COL5A1: variants seen among roughly 807,000 people sequenced by gnomAD.
COL5A1 encodes collagen alpha-1(V) chain.
A neutral mutation model predicts 263.7 loss-of-function variants in COL5A1; 16 were observed. That is an observed-to-expected ratio of 0.06 (90% CI 0.04 to 0.09). The LOEUF (loss-of-function observed/expected upper bound fraction) is 0.09, where lower values mean the gene tolerates loss of function less well. COL5A1 is among the 10% of genes least tolerant of loss of function. COL5A1 has a pLI of 1.00. For synonymous variants in COL5A1, 1,012 were observed against 1,004.5 expected (o/e 1.01, Z -0.14); for missense variants, 2,036 against 2,540.5 (o/e 0.80, Z 4.27).
At chr9:134,671,066 C>T (rs999742461) in intron 1 of COL5A1, among the ~76,000 whole-genome samples, 8 of 151,942 alleles carry the variant, frequency 5.3e-5, no homozygotes, top group Admixed American at 2.0e-4. Flanking sequence ...CTGACTCAGT[C>T]GTCTGGGGCA....
chr9:134,747,576 CAT>C (rs1164852522), intron 11 of COL5A1, among the ~76,000 whole-genome samples: 3 of 151,940 alleles, frequency 2.0e-5, no homozygotes, highest in African/African-American at 4.8e-5. Flanking sequence ...TATTCACACA[CAT>C]GCATTCATAC....
At chr9:134,727,195 G>T (rs1564414235) in intron 4 of COL5A1, 71 bp from the exon 5 acceptor site, 3 of 1,540,406 alleles carry the variant, frequency 1.9e-6, no homozygotes, top group Non-Finnish European at 2.7e-6. Flanking sequence ...CAAGGCATGG[G>T]GCTGTGTCTC....
In COL5A1 at chr9:134,696,006, G is replaced by A. The variant is rs1346324681; in HGVS notation, c.278-3903G>A. Among the ~76,000 whole-genome samples the A allele has an allele frequency of 6.6e-6, 1 of 152,088 alleles. No homozygotes were observed. The highest frequency in any genetic ancestry group is 1.9e-4 in the East Asian group (1 of 5,180). On this transcript the variant is annotated intron_variant, in intron 2 of 65. Transcript: ENST00000371817. This position sits in a 1 kb window ranked among gnomAD's most constrained non-coding sequence, Gnocchi z 4.3. The stretch of plus-strand genomic sequence containing the variant: ...TGGGCCTCTGCCCTGGGCCTGCCAT[G>A]CTCCCCTTAGCCCGGCCCCTCCTGG...
intron 5 of COL5A1, among the ~76,000 whole-genome samples, chr9:134,728,316 C>T (rs890497567): frequency 2.6e-5 from 4 of 152,222 alleles, no homozygotes; most frequent in South Asian, 2.1e-4. Context: ...GCTGAAGGCC[C>T]GGGAGCCTGC....
At chr9:134,799,254 A>G (rs570354776) in intron 37 of COL5A1, among the ~76,000 whole-genome samples, 4 of 152,240 alleles carry the variant, frequency 2.6e-5, no homozygotes, top group South Asian at 2.1e-4. Context: ...TGGCCCCATC[A>G]GCCCTTCGAA....
rs1836631770 is a variant in COL5A1 at position 134,765,593 on chromosome 9, G to C, written c.2035-88G>C. On this transcript the variant is annotated intron_variant, in intron 20 of 65. Coordinates refer to ENST00000371817, the MANE Select transcript of COL5A1 (RefSeq NM_000093.5). The surrounding 1 kb of genome is among the most constrained non-coding windows in gnomAD (Gnocchi z 5.1). ...GAGTCACCAGCTGGGGTTCTGGGTG[G>C]AGTCAGGGCCAAGTGGGCATAGGGG... 4 of 1,202,282 alleles carry C rather than the reference G, an allele frequency of 3.3e-6. No individual in the cohort carries two copies. The highest frequency in any genetic ancestry group is 4.9e-6 in the Non-Finnish European group (4 of 809,698). 74.5% of individuals were successfully genotyped at this position (1,202,282 alleles called of 1,614,324 possible).
chr9:134,749,956 G>A (rs1835714293), intron 11 of COL5A1, among the ~76,000 whole-genome samples: 2 of 152,250 alleles, frequency 1.3e-5, no homozygotes, highest in South Asian at 2.1e-4. Context: ...CGTGAGGAGG[G>A]CACTGTGTCG....
intron 11 of COL5A1, among the ~76,000 whole-genome samples, chr9:134,744,431 G>A (rs113711952): frequency 1.3e-5 from 2 of 150,056 alleles, no homozygotes; most frequent in Non-Finnish European, 3.0e-5. Context: ...ACCCACACAC[G>A]CACACACTCA....
intron 4 of COL5A1, chr9:134,708,602 C>T: frequency 1.9e-6 from 1 of 518,906 alleles, no homozygotes; most frequent in Non-Finnish European, 3.8e-6. Flanking sequence ...CCTGGCAGTG[C>T]TGAGGCAGCC....
intron 64 of COL5A1, among the ~76,000 whole-genome samples, chr9:134,830,847 C>T (rs1005719448): frequency 6.6e-6 from 1 of 152,254 alleles, no homozygotes; most frequent in African/African-American, 2.4e-5. Context: ...AGGACAGCGG[C>T]TGCTTCTGCC....
chr9:134,693,632 A>C (rs1219233585), intron 2 of COL5A1, among the ~76,000 whole-genome samples: 1 of 152,004 alleles, frequency 6.6e-6, no homozygotes, highest in African/African-American at 2.4e-5. Flanking sequence ...ACTGTTGGAG[A>C]CCAGTGTCAT....
intron 9 of COL5A1, 89 bp downstream of exon 9, chr9:134,732,216 G>A: frequency 7.1e-7 from 1 of 1,413,316 alleles, no homozygotes; most frequent in South Asian, 1.1e-5. Context: ...CAGGTCCGTG[G>A]GCCCCTGCAC....
chr9:134,763,827 C>A, intron 20 of COL5A1, 90 bp downstream of exon 20: 1 of 1,320,498 alleles, frequency 7.6e-7, no homozygotes, highest in Non-Finnish European at 1.1e-6. Context: ...CTGGGATCAG[C>A]CAGGAGCTTA....
In COL5A1 at chr9:134,681,568, T is replaced by C. The variant is rs951012444; in HGVS notation, c.110-9344T>C. Among the ~76,000 whole-genome samples the C allele has an allele frequency of 2.6e-5, 4 of 152,146 alleles. No homozygotes were observed. The highest frequency in any genetic ancestry group is 5.9e-5 in the Non-Finnish European group (4 of 68,028). The stretch of plus-strand genomic sequence containing the variant: ...GCCTGTGGTTTCGGGAGCCTGTCAC[T>C]GGCTCCAGAGTGGAATAGCGCTTGG... On this transcript the variant is annotated intron_variant, in intron 1 of 65. Transcript: ENST00000371817. The surrounding 1 kb of genome is among the most constrained non-coding windows in gnomAD (Gnocchi z 4.3).
chr9:134,657,672 G>C (rs1305783351), intron 1 of COL5A1, among the ~76,000 whole-genome samples: 1 of 150,136 alleles, frequency 6.7e-6, no homozygotes, highest in Admixed American at 6.6e-5. Context: ...TATGGGGGGT[G>C]AGGGCTGTGG....
At chr9:134,738,703 C>A in intron 10 of COL5A1, 43 bp from the exon 11 acceptor site, 3 of 1,552,312 alleles carry the variant, frequency 1.9e-6, no homozygotes, top group Non-Finnish European at 2.7e-6. Context: ...CCTTGCCCTG[C>A]GGCCCCATCT....
At chr9:134,747,973 TCACA>T (rs147859678) in intron 11 of COL5A1, among the ~76,000 whole-genome samples, 5 of 124,918 alleles carry the variant, frequency 4.0e-5, no homozygotes, top group Non-Finnish European at 6.8e-5. Context: ...ACACATGCAT[TCACA>T]CACACATGCA....
At chr9:134,802,523 T>G (rs3827851) in intron 38 of COL5A1, among the ~76,000 whole-genome samples, 92,395 of 152,152 alleles carry the variant, frequency 0.61, 29,013 homozygotes, top group East Asian at 0.82. Context: ...GCCACAGAAC[T>G]GAAGGGCATG....
At chr9:134,657,588 A>G (rs1271433801) in intron 1 of COL5A1, among the ~76,000 whole-genome samples, 2 of 95,494 alleles carry the variant, frequency 2.1e-5, no homozygotes, top group East Asian at 7.4e-4. Context: ...TTTATAGATA[A>G]TATGGAGGGT....
Sources: gnomAD v4.1 joint callset for allele counts (sites outside exome capture counted in the v4.1 genomes callset) on GRCh38, gnomAD v4.1.1 for gene constraint, Gnocchi (gnomAD v3.1) non-coding constraint, MANE v1.5 for transcripts, NCBI Gene and HGNC (gene_info 2026-07-23, HGNC 2026-07-21) for gene names.